The following ATAD5 variants were observed in gnomAD, a reference collection of about 807,000 sequenced individuals.
The protein encoded by ATAD5 is ATPase family AAA domain-containing protein 5.
Under a neutral mutation model 176.9 loss-of-function variants are expected in ATAD5, and 58 were observed. That is an observed-to-expected ratio of 0.33 (90% CI 0.27 to 0.41). The LOEUF (loss-of-function observed/expected upper bound fraction) is 0.41. Among genes scored for constraint, ATAD5 ranks in the 10% least tolerant of loss-of-function variants. The pLI is 1.00. For missense variants in ATAD5, 1,789 were observed against 2,094.1 expected (o/e 0.85, Z 2.84); for synonymous variants, 640 against 712.6 (o/e 0.90, Z 1.62).
At chr17:30,868,509 A>ATTTTT (rs745465090) in intron 12 of ATAD5, 97 bp downstream of exon 12, 165 of 486,404 alleles carry the variant, frequency 3.4e-4, no homozygotes, top group South Asian at 9.6e-4. Flanking sequence ...TTTTTTTTTA[A>ATTTTT]TTTTTTTTTT....
At chr17:30,833,050 C>A (rs1458171182) in intron 1 of ATAD5, among the ~76,000 whole-genome samples, 2 of 152,218 alleles carry the variant, frequency 1.3e-5, no homozygotes, top group Non-Finnish European at 2.9e-5. Flanking sequence ...TACACCTTTT[C>A]ATCTCAGACT....
chr17:30,872,192 AGT>A (rs1567693791), intron 14 of ATAD5, among the ~76,000 whole-genome samples: 1 of 152,114 alleles, frequency 6.6e-6, no homozygotes, highest in African/African-American at 2.4e-5. Context: ...TAGGATTACA[AGT>A]GTGAGCCGTC....
chr17:30,849,484 T>TAAAA (rs1797637299), intron 6 of ATAD5, among the ~76,000 whole-genome samples: 2 of 152,234 alleles, frequency 1.3e-5, no homozygotes, highest in Non-Finnish European at 2.9e-5. Flanking sequence ...TTTCTCTTTT[T>TAAAA]AATTTTATAT....
chr17:30,856,989 T>C lies in ATAD5; in HGVS notation c.2670T>C (p.Cys890=), dbSNP rs1907324388. ...CCLWHLKPPS[C]PLLTKFKELN... ...TGTGGCATTTGAAACCACCCTCTTG[T>C]CCTCTCTTAACTAAATTTAAAGAAC... The change falls in exon 8 of 23, where the codon TGT becomes TGC. Residue 890 remains cysteine, a synonymous_variant. Coordinates refer to ENST00000321990, the MANE Select transcript of ATAD5 (RefSeq NM_024857.5). 2 of 1,602,710 alleles carry C rather than the reference T, an allele frequency of 1.2e-6. No homozygotes were observed.
Position 30,843,962 on chromosome 17 carries a change from A to T in ATAD5, c.2291A>T (p.Glu764Val). 1 of 1,532,332 alleles carries T rather than the reference A, an allele frequency of 6.5e-7. No individual in the cohort carries two copies. Among genetic ancestry groups the T allele is most frequent in the Non-Finnish European group, 8.9e-7 (1 of 1,127,948 alleles). The allele number at this position is 1,532,332 out of a possible 1,614,324, so 94.9% of individuals were successfully genotyped here. The part of the protein sequence containing the change: ...DSSPTALKHP[E>V]KNQKKLQCLN... ...AGTCCTACTGCTTTAAAGCATCCAGAGAAAAATCAGAAGAAACTTCAGTGT... is the reference window on the plus strand; with the variant it reads ...AGTCCTACTGCTTTAAAGCATCCAGTGAAAAATCAGAAGAAACTTCAGTGT... The change falls in exon 5 of 23, where the codon GAG becomes GTG. Residue 764 changes from glutamate (E) to valine (V), a missense_variant. Transcript: ENST00000321990.
In ATAD5 at chr17:30,832,158, T is replaced by A. The variant is rs1350968386; in HGVS notation, c.-190T>A. On this transcript the variant is annotated 5_prime_UTR_variant, in exon 1 of 23. Coordinates refer to ENST00000321990, the MANE Select transcript of ATAD5 (RefSeq NM_024857.5). ...CGCGCTTTCTCATTGCCTCTTTCCG[T>A]GTTCGATTCGGCTGATCTGGGCCCA... The A allele has an allele frequency of 2.4e-6, 1 of 409,264 alleles. No individual in the cohort carries two copies. The highest frequency in any genetic ancestry group is 4.3e-6 in the Non-Finnish European group (1 of 231,380). 25.4% of individuals were successfully genotyped at this position (409,264 alleles called of 1,614,324 possible).
At chr17:30,864,968 TGGAG>T (rs1907886274) in intron 10 of ATAD5, 1 of 151,454 alleles carries the variant, frequency 6.6e-6, no homozygotes, top group South Asian at 2.1e-4. Flanking sequence ...TTGCTCAGGC[TGGAG>T]TGCAGTGGCA....
rs1906305884 is a variant in ATAD5 at position 30,844,006 on chromosome 17, A to G, written c.2335A>G (p.Lys779Glu). 6.4e-7 allele frequency: 1 copy of G among 1,558,562 alleles called. No individual in the cohort carries two copies. The highest frequency in any genetic ancestry group is 2.0e-5 in the Admixed American group (1 of 48,786). The change falls in exon 5 of 23, where the codon AAA (lysine) becomes GAA (glutamate). Residue 779 changes from lysine to glutamate, a missense_variant. By Grantham distance (56) the Lys-to-Glu change is moderately conservative. Around this residue, in one of 6 missense-constraint regions of ATAD5, gnomAD observed 487 missense variants for 573.6 expected, o/e 0.85. Transcript: ENST00000321990. ...KLQCLNDVLG[K>E]KLNTSTKNVP... ...TCAGTGTTTGAATGATGTGCTAGGA[A>G]AAAAACTTAACACATCCACTAAAAA...
intron 6 of ATAD5, among the ~76,000 whole-genome samples, chr17:30,845,504 C>A (rs1214484163): frequency 6.6e-6 from 1 of 152,104 alleles, no homozygotes; most frequent in Non-Finnish European, 1.5e-5. Flanking sequence ...GTCTCTGTAG[C>A]TGGAAGGAAC....
intron 18 of ATAD5, among the ~76,000 whole-genome samples, chr17:30,886,332 T>C (rs960356685): frequency 1.3e-5 from 2 of 151,446 alleles, no homozygotes; most frequent in Admixed American, 1.3e-4. Flanking sequence ...AGTGAATTTA[T>C]GAGTTTTCTT....
Position 30,837,313 on chromosome 17 carries a change from A to G in ATAD5, c.2075A>G (p.Lys692Arg), listed in dbSNP as rs771034199. Reference protein sequence around the residue: ...TDGGFTSQIRKASNTSKNISK... With the variant: ...TDGGFTSQIRRASNTSKNISK... ...GGAGGTTTTACTTCTCAGATTAGAA[A>G]GGTAATTAAAATATTAGAGAGTCCT... is the stretch of plus-strand genomic sequence containing the variant. Residue 692 changes from lysine (K) to arginine (R), a missense_variant and splice_region_variant, in exon 3 of 23, where the codon AAG becomes AGG. Around this residue, in one of 6 missense-constraint regions of ATAD5, gnomAD observed 487 missense variants for 573.6 expected, o/e 0.85. Coordinates refer to ENST00000321990, the MANE Select transcript of ATAD5 (RefSeq NM_024857.5). The G allele has an allele frequency of 3.2e-6, 5 of 1,540,858 alleles. No homozygotes were observed. Among genetic ancestry groups the G allele is most frequent in the Non-Finnish European group, 4.4e-6 (5 of 1,139,648 alleles).
Position 30,834,290 on chromosome 17 carries a change from C to T in ATAD5, c.209C>T (p.Ser70Leu). The T allele has an allele frequency of 6.2e-7, 1 of 1,613,604 alleles. No individual in the cohort carries two copies. Among genetic ancestry groups the T allele is most frequent in the Non-Finnish European group, 8.5e-7 (1 of 1,179,884 alleles). The change falls in exon 2 of 23, where the codon TCA (serine) becomes TTA (leucine). Residue 70 changes from serine (S) to leucine (L), a missense_variant. This residue lies in a region of ATAD5 where 696 missense variants were observed against 712.5 expected (regional missense o/e 0.98). Coordinates refer to ENST00000321990, the MANE Select transcript of ATAD5 (RefSeq NM_024857.5). The part of the protein sequence containing the change: ...SNILDYFRKT[S>L]PTNEKTQLGK... ...ATTCTGGATTATTTTAGAAAGACTTCACCCACAAATGAGAAGACACAATTA... is the reference window on the plus strand; with the variant it reads ...ATTCTGGATTATTTTAGAAAGACTTTACCCACAAATGAGAAGACACAATTA...
Position 30,834,752 on chromosome 17 carries a change from A to C in ATAD5, c.671A>C (p.Glu224Ala). The C allele has an allele frequency of 1.2e-6, 2 of 1,614,060 alleles. No individual in the cohort carries two copies. Among genetic ancestry groups the C allele is most frequent in the Non-Finnish European group, 1.7e-6 (2 of 1,179,954 alleles). ...CTATCTGAAAGCTTACCCTTGGCAG[A>C]GGAACTAAATTTGCTTAAAAAAGAT... The part of the protein sequence containing the change: ...VDLSESLPLA[E>A]ELNLLKKDGK... The change falls in exon 2 of 23, where the codon GAG becomes GCG. Residue 224 changes from glutamate to alanine, a missense_variant. By Grantham distance (107) the Glu-to-Ala change is moderately radical (BLOSUM62 -1). Coordinates refer to ENST00000321990, the MANE Select transcript of ATAD5 (RefSeq NM_024857.5).
Position 30,843,979 on chromosome 17 carries a change from C to T in ATAD5, c.2308C>T (p.Leu770Phe). Residue 770 changes from leucine (L) to phenylalanine (F), a missense_variant, in exon 5 of 23, where the codon CTT becomes TTT. Transcript: ENST00000321990. ...GCATCCAGAGAAAAATCAGAAGAAA[C>T]TTCAGTGTTTGAATGATGTGCTAGG... is the stretch of plus-strand genomic sequence containing the variant. ...LKHPEKNQKK[L>F]QCLNDVLGKK... The T allele has an allele frequency of 6.4e-7, 1 of 1,559,948 alleles. No homozygotes were observed. The highest frequency in any genetic ancestry group is 8.7e-7 in the Non-Finnish European group (1 of 1,151,652).
At chr17:30,886,485 C>T (rs1218578688) in intron 18 of ATAD5, among the ~76,000 whole-genome samples, 2 of 151,630 alleles carry the variant, frequency 1.3e-5, no homozygotes, top group African/African-American at 4.8e-5. Flanking sequence ...CTGTAACCTC[C>T]ACCTCCCAGG....
chr17:30,832,399 G>T lies in ATAD5; in HGVS notation c.52G>T (p.Asp18Tyr), dbSNP rs1276815235. The T allele has an allele frequency of 6.4e-7, 1 of 1,564,636 alleles. No individual in the cohort carries two copies. Among genetic ancestry groups the T allele is most frequent in the South Asian group, 1.2e-5 (1 of 84,910 alleles). ...AAAAAPPPVKDCEIEPCKKRK... is the reference protein window; with the variant it reads ...AAAAAPPPVKYCEIEPCKKRK... ...TGCAGCTGCTCCGCCTCCCGTGAAG[G>T]ACTGCGAGATTGAGGTGAGGTTGAG... The change falls in exon 1 of 23, where the codon GAC becomes TAC. Residue 18 changes from aspartate (D) to tyrosine (Y), a missense_variant. Physicochemically the swap from Asp to Tyr is radical, Grantham distance 160 (BLOSUM62 -3). This residue lies in a region of ATAD5 where 696 missense variants were observed against 712.5 expected (regional missense o/e 0.98). Coordinates refer to ENST00000321990, the MANE Select transcript of ATAD5 (RefSeq NM_024857.5).
Position 30,895,119 on chromosome 17 carries a change from G to C in ATAD5, c.*206G>C, listed in dbSNP as rs1441179291. On this transcript the variant is annotated 3_prime_UTR_variant, in exon 23 of 23. Coordinates refer to ENST00000321990, the MANE Select transcript of ATAD5 (RefSeq NM_024857.5). Reference sequence around the variant, plus strand: ...TTGTAATTTTTTTTCTGAATTTTTTGTATTATCTGATTTAGCTTTGTTGGA... The same window carrying C: ...TTGTAATTTTTTTTCTGAATTTTTTCTATTATCTGATTTAGCTTTGTTGGA... 2.5e-6 allele frequency: 1 copy of C among 395,504 alleles called. No individual in the cohort carries two copies. The highest frequency in any genetic ancestry group is 4.2e-5 in the Admixed American group (1 of 23,718). 24.5% of individuals were successfully genotyped at this position (395,504 alleles called of 1,614,324 possible). A position where few individuals can be genotyped will look rare whatever the true frequency, so the allele number is the denominator to read the frequency against.
chr17:30,873,718 G>T (rs1336730849), intron 14 of ATAD5, among the ~76,000 whole-genome samples: 1 of 147,416 alleles, frequency 6.8e-6, no homozygotes, highest in East Asian at 1.9e-4. Flanking sequence ...AAAAGACGGG[G>T]TCTTCCTCTG....
At chr17:30,833,555 C>T (rs1905508403) in intron 1 of ATAD5, among the ~76,000 whole-genome samples, 1 of 152,186 alleles carries the variant, frequency 6.6e-6, no homozygotes, top group African/African-American at 2.4e-5. Context: ...TAACGTTTTA[C>T]ACCAGTAAAT....
Sources: gnomAD v4.1 joint callset for allele counts (sites outside exome capture counted in the v4.1 genomes callset) on GRCh38, gnomAD v4.1.1 for gene constraint, gnomAD v4.1.1 regional missense constraint, MANE v1.5 for transcripts, NCBI Gene and HGNC (gene_info 2026-07-23, HGNC 2026-07-21) for gene names.